The following FAM210A variants were observed in gnomAD, a reference collection of about 807,000 sequenced individuals.
FAM210A encodes the protein mitochondrial inner membrane scaffold 1.
A neutral mutation model predicts 25.3 loss-of-function variants in FAM210A; 13 were observed. The ratio of observed to expected loss-of-function variants is 0.51; its 90% confidence interval spans 0.33 to 0.82. The LOEUF is 0.82. Ranked by LOEUF, FAM210A falls within the 40% of genes least tolerant of loss-of-function variation. The probability of loss-of-function intolerance (pLI) is 0.02; values close to 1 mark genes in which losing one functional copy is unlikely to be tolerated. For missense variants in FAM210A, 319 were observed against 323.2 expected (o/e 0.99, Z 0.10); for synonymous variants, 125 against 118.7 (o/e 1.05, Z -0.35).
chr18:13,702,621 A>G (rs1424204918), intron 1 of FAM210A, among the ~76,000 whole-genome samples: 1 of 152,222 alleles, frequency 6.6e-6, no homozygotes, highest in Non-Finnish European at 1.5e-5. Flanking sequence ...CATCCTGAGT[A>G]GTTAAAAGCC....
At chr18:13,685,500 A>G (rs537621923) in intron 1 of FAM210A, among the ~76,000 whole-genome samples, 14 of 152,306 alleles carry the variant, frequency 9.2e-5, no homozygotes, top group Non-Finnish European at 1.8e-4. Context: ...GAACCTTGGT[A>G]TCCACAACCC....
chr18:13,670,365 T>C (rs2043431962), intron 3 of FAM210A, among the ~76,000 whole-genome samples: 2 of 152,152 alleles, frequency 1.3e-5, no homozygotes, highest in South Asian at 4.1e-4. Context: ...CACTTTAATG[T>C]AGAAAAACTC....
At chr18:13,684,323 C>A (rs2043578604) in intron 1 of FAM210A, among the ~76,000 whole-genome samples, 1 of 151,980 alleles carries the variant, frequency 6.6e-6, no homozygotes, top group Admixed American at 6.6e-5. Context: ...CATTTGAACC[C>A]CAGAGGTGGA....
At chr18:13,696,566 A>G (rs1787881) in intron 1 of FAM210A, among the ~76,000 whole-genome samples, 140,334 of 152,224 alleles carry the variant, frequency 0.92, 64,737 homozygotes, top group East Asian at 0.97. Context: ...ATAAAAGAGC[A>G]GAAAAATTCC....
At chr18:13,709,192 C>A (rs1220970736) in intron 1 of FAM210A, among the ~76,000 whole-genome samples, 2 of 152,150 alleles carry the variant, frequency 1.3e-5, no homozygotes, top group Non-Finnish European at 2.9e-5. Flanking sequence ...TAGGTCAGAT[C>A]ATGACTCTCC....
At chr18:13,672,051 C>T (rs2043447893) in intron 2 of FAM210A, 78 bp from the exon 3 acceptor site, 5 of 981,878 alleles carry the variant, frequency 5.1e-6, no homozygotes, top group East Asian at 2.6e-5. Flanking sequence ...AATACCAAAA[C>T]CACACTATAA....
At chr18:13,685,764 T>C (rs956007004) in intron 1 of FAM210A, among the ~76,000 whole-genome samples, 2 of 152,230 alleles carry the variant, frequency 1.3e-5, no homozygotes, top group Non-Finnish European at 2.9e-5. Flanking sequence ...TCAGAACTTC[T>C]TGAGACTGCC....
chr18:13,709,691 GT>G (rs1220130322), intron 1 of FAM210A, among the ~76,000 whole-genome samples: 3 of 151,980 alleles, frequency 2.0e-5, no homozygotes, highest in Non-Finnish European at 2.9e-5. Flanking sequence ...CTTTTTCACT[GT>G]TTTTTTCATT....
At chr18:13,691,149 G>C (rs1392359873) in intron 1 of FAM210A, among the ~76,000 whole-genome samples, 1 of 151,970 alleles carries the variant, frequency 6.6e-6, no homozygotes, top group Non-Finnish European at 1.5e-5. Context: ...TGGAAGAAAG[G>C]GTATCAGTGA....
At chr18:13,720,062 C>A (rs1020352485) in intron 1 of FAM210A, among the ~76,000 whole-genome samples, 3 of 152,182 alleles carry the variant, frequency 2.0e-5, no homozygotes, top group African/African-American at 7.2e-5. Context: ...AGTCAGGTTG[C>A]ATAACTTGGT....
chr18:13,676,487 CCTGGCTTCT>C (rs971441557), intron 2 of FAM210A, among the ~76,000 whole-genome samples: 67 of 152,124 alleles, frequency 4.4e-4, no homozygotes, highest in African/African-American at 1.5e-3. Flanking sequence ...ATTCCTGAGC[CCTGGCTTCT>C]TTATTTCGTT....
chr18:13,669,456 C>G (rs1343856758), intron 3 of FAM210A, among the ~76,000 whole-genome samples: 2 of 152,166 alleles, frequency 1.3e-5, no homozygotes, highest in Admixed American at 6.5e-5. Flanking sequence ...TCCCAGGATC[C>G]TGCAGCCTCA....
At chr18:13,691,200 T>C (rs2043641450) in intron 1 of FAM210A, among the ~76,000 whole-genome samples, 1 of 151,996 alleles carries the variant, frequency 6.6e-6, no homozygotes, top group African/African-American at 2.4e-5. Flanking sequence ...AAGAGAAGTT[T>C]AGAGAAAAAA....
chr18:13,702,382 C>T (rs558324976), intron 1 of FAM210A, among the ~76,000 whole-genome samples: 1 of 152,366 alleles, frequency 6.6e-6, no homozygotes, highest in South Asian at 2.1e-4. Context: ...TAGAACAGAA[C>T]ACGGGCTTGA....
intron 1 of FAM210A, among the ~76,000 whole-genome samples, chr18:13,725,468 C>G (rs2043933606): frequency 6.6e-6 from 1 of 152,166 alleles, no homozygotes; most frequent in African/African-American, 2.4e-5. Context: ...AAAGCCAGGT[C>G]TATTCATTAA....
At chr18:13,672,013 T>G (rs1320230304) in intron 2 of FAM210A, 40 bp from the exon 3 acceptor site, 1 of 1,382,712 alleles carries the variant, frequency 7.2e-7, no homozygotes, top group Non-Finnish European at 1.0e-6. Context: ...GTACAAACTT[T>G]TAATGATATT....
chr18:13,720,478 G>A (rs778241672), intron 1 of FAM210A, among the ~76,000 whole-genome samples: 1 of 152,074 alleles, frequency 6.6e-6, no homozygotes, highest in Non-Finnish European at 1.5e-5. Flanking sequence ...TTTTGTTATA[G>A]GTGGGAACAT....
chr18:13,713,925 A>G (rs1037349839), intron 1 of FAM210A, among the ~76,000 whole-genome samples: 1 of 152,166 alleles, frequency 6.6e-6, no homozygotes, highest in African/African-American at 2.4e-5. Flanking sequence ...CAGTTGCCCA[A>G]CATTACTCCC....
chr18:13,700,140 C>T (rs2043727328), intron 1 of FAM210A, among the ~76,000 whole-genome samples: 1 of 152,214 alleles, frequency 6.6e-6, no homozygotes, highest in African/African-American at 2.4e-5. Context: ...CAAGACTACT[C>T]CTACTCCCCA....
Sources: allele counts gnomAD v4.1 joint callset (sites outside exome capture counted in the v4.1 genomes callset), GRCh38; gene constraint gnomAD v4.1.1; transcripts MANE v1.5; gene names NCBI Gene and HGNC (gene_info 2026-07-23, HGNC 2026-07-21).